Variants in MEGF6 observed in about 807,000 individuals in gnomAD.
MEGF6 encodes the protein multiple epidermal growth factor-like domains protein 6.
A neutral mutation model predicts 207.1 loss-of-function variants in MEGF6; 184 were observed. The ratio of observed to expected loss-of-function variants is 0.89; its 90% CI spans 0.79 to 1.00. MEGF6 has a LOEUF of 1.00. Ranked by LOEUF, MEGF6 falls within the 50% of genes least tolerant of loss-of-function variation. The pLI is 0.00. For missense variants in MEGF6, 2,282 were observed against 2,202.9 expected (o/e 1.04, Z -0.72); for synonymous variants, 1,038 against 910.0 (o/e 1.14, Z -2.53).
At chr1:3,497,825 G>A (rs988872832) in intron 26 of MEGF6, among the ~76,000 whole-genome samples, 1 of 152,186 alleles carries the variant, frequency 6.6e-6, no homozygotes, top group Non-Finnish European at 1.5e-5. Flanking sequence ...CGCCCAAGTT[G>A]TACCCCAAGC....
Position 3,509,885 on chromosome 1 carries a change from G to C in MEGF6, c.1342C>G (p.Arg448Gly), listed in dbSNP as rs763899689. The change falls in exon 11 of 37, where the codon CGT becomes GGT. Residue 448 changes from arginine to glycine, a missense_variant. Arg to Gly is a moderately radical substitution (Grantham distance 125). Transcript: ENST00000356575. ...CEAGYRLHED[R>G]RGCSPLEEPM... ...GGAGACTCACGGCTGCAGCCCCTAC[G>C]GTCCTCGTGCAGCCGGTAGCCGGCC... The C allele has an allele frequency of 6.4e-7, 1 of 1,559,594 alleles. No individual in the cohort carries two copies. Among genetic ancestry groups the C allele is most frequent in the Non-Finnish European group, 8.7e-7 (1 of 1,154,614 alleles).
In MEGF6 at chr1:3,501,828, G is replaced by C. The variant is rs765881091; in HGVS notation, c.2282C>G (p.Pro761Arg). Reference protein sequence around the residue: ...CHGVTGQCRCPPGRTGEDCEA... With the variant: ...CHGVTGQCRCRPGRTGEDCEA... ...ACAGTCTTCCCCAGTCCTCCCCGGCGGACACCGGCACTGCCCCGTGACCCC... is the reference window on the plus strand; with the variant it reads ...ACAGTCTTCCCCAGTCCTCCCCGGCCGACACCGGCACTGCCCCGTGACCCC... The change falls in exon 18 of 37, where the codon CCG (proline) becomes CGG (arginine). Residue 761 changes from proline to arginine, a missense_variant. By Grantham distance (103) the Pro-to-Arg change is moderately radical. Transcript: ENST00000356575. 18 of 1,608,820 alleles carry C rather than the reference G, an allele frequency of 1.1e-5. No homozygotes were observed. The highest frequency in any genetic ancestry group is 1.5e-5 in the Non-Finnish European group (18 of 1,178,550).
At chr1:3,514,428 C>T in intron 7 of MEGF6, 122 bp downstream of exon 7, 1 of 1,303,020 alleles carries the variant, frequency 7.7e-7, no homozygotes, top group Non-Finnish European at 1.0e-6. Flanking sequence ...CCCAAGGGGG[C>T]AAGGCCAAAG....
chr1:3,501,992 G>T, intron 17 of MEGF6, 71 bp from the exon 18 acceptor site: 1 of 1,527,748 alleles, frequency 6.5e-7, no homozygotes, highest in Non-Finnish European at 8.7e-7. Context: ...TTCCCCCAGG[G>T]GCTCCTGGTG....
intron 3 of MEGF6, among the ~76,000 whole-genome samples, chr1:3,585,498 C>T (rs1349497781): frequency 7.1e-6 from 1 of 141,188 alleles, no homozygotes; most frequent in African/African-American, 2.7e-5. Flanking sequence ...GACACTTGTC[C>T]TGTGTGTGGG....
intron 4 of MEGF6, among the ~76,000 whole-genome samples, chr1:3,578,860 G>A (rs1412732200): frequency 1.3e-5 from 2 of 151,684 alleles, no homozygotes; most frequent in Admixed American, 6.6e-5. Flanking sequence ...ACGCTGGGGA[G>A]ACCCAGCACC....
intron 1 of MEGF6, 60 bp from the exon 2 acceptor site, chr1:3,602,660 C>G (rs1223229180): frequency 6.4e-7 from 1 of 1,550,620 alleles, no homozygotes; most frequent in Admixed American, 1.8e-5. Flanking sequence ...ACACCCACCC[C>G]TCCTGCACCC....
At position 3,504,597 on chromosome 1, in the gene MEGF6, T is replaced by G. The variant is rs899481574; in HGVS notation, c.2188+611A>C. Among the ~76,000 whole-genome samples, 92 of 152,142 alleles carry G rather than the reference T, an allele frequency of 6.0e-4. 1 individual carries two copies. The highest frequency in any genetic ancestry group is 2.1e-3 in the African/African-American group (88 of 41,522). On this transcript the variant is annotated intron_variant, in intron 17 of 36. Transcript: ENST00000356575. ...GCTGGGCTGGAATCGCGTCGGGCAG[T>G]TGGTCCCCGGGTCTCCCAGGAATAC...
Position 3,488,515 on chromosome 1 carries a change from T to C in MEGF6, c.*2013A>G, listed in dbSNP as rs906897977. ...GCACCCTCCTGGCTTCTTTCTCTTC[T>C]GGCTGGAGAACGTCTCTAAGAGCAT... On this transcript the variant is annotated 3_prime_UTR_variant, in exon 37 of 37. Coordinates refer to ENST00000356575, the MANE Select transcript of MEGF6 (RefSeq NM_001409.4). Among the ~76,000 whole-genome samples, 22 of 152,268 alleles carry C rather than the reference T, an allele frequency of 1.4e-4. 1 individual carries two copies. The highest frequency in any genetic ancestry group is 2.5e-4 in the Non-Finnish European group (17 of 68,056).
At chr1:3,561,860 C>T (rs983770887) in intron 4 of MEGF6, among the ~76,000 whole-genome samples, 4 of 152,218 alleles carry the variant, frequency 2.6e-5, no homozygotes, top group Non-Finnish European at 4.4e-5. Context: ...GCCTCCAAAA[C>T]GTGGGAGGGG....
chr1:3,520,762 A>G (rs1390109589), intron 5 of MEGF6, among the ~76,000 whole-genome samples: 1 of 152,174 alleles, frequency 6.6e-6, no homozygotes, highest in Non-Finnish European at 1.5e-5. Context: ...TCTGATTTCC[A>G]TAAGATAATC....
At position 3,583,905 on chromosome 1, in the gene MEGF6, C is replaced by CACA. The variant is rs1478809855; in HGVS notation, c.377-3977_377-3976insTGT. On this transcript the variant is annotated intron_variant, in intron 3 of 36. Transcript: ENST00000356575. ...GACAACGCGCAGCCACCAGACAACG[C>CACA]GCAGCCACCAGACAATGCACAGCCA... 2.0e-4 allele frequency among the ~76,000 whole-genome samples: 30 copies of CACA among 152,170 alleles called. 6 individuals are homozygous for CACA. Among genetic ancestry groups the CACA allele is most frequent in the African/African-American group, 6.7e-4 (28 of 41,486 alleles).
At chr1:3,532,297 C>T (rs901535989) in intron 4 of MEGF6, among the ~76,000 whole-genome samples, 8 of 152,348 alleles carry the variant, frequency 5.3e-5, no homozygotes, top group Admixed American at 5.2e-4. Flanking sequence ...CGGCTTGGAT[C>T]AGAGTCCCCA....
chr1:3,546,518 G>A (rs1453416741), intron 4 of MEGF6, among the ~76,000 whole-genome samples: 3 of 152,238 alleles, frequency 2.0e-5, no homozygotes, highest in Non-Finnish European at 2.9e-5. Flanking sequence ...GAAGGAGGGT[G>A]CCAGGGAGGG....
intron 3 of MEGF6, among the ~76,000 whole-genome samples, chr1:3,583,011 G>C (rs76127418): frequency 2.0e-5 from 3 of 152,166 alleles, no homozygotes; most frequent in East Asian, 3.9e-4. Flanking sequence ...TGATGAAGGG[G>C]TGAATGAATG....
At chr1:3,525,148 C>T (rs1641913652) in intron 4 of MEGF6, among the ~76,000 whole-genome samples, 1 of 152,194 alleles carries the variant, frequency 6.6e-6, no homozygotes, top group Non-Finnish European at 1.5e-5. Context: ...CGTGCAAGGA[C>T]CCAGAAGGCC....
At chr1:3,514,743 G>T in intron 6 of MEGF6, 71 bp from the exon 7 acceptor site, 1 of 1,460,478 alleles carries the variant, frequency 6.8e-7, no homozygotes. Flanking sequence ...CTGCCCCCAG[G>T]CTTCTTGTGA....
intron 4 of MEGF6, among the ~76,000 whole-genome samples, chr1:3,568,833 C>A (rs1242743744): frequency 1.3e-5 from 2 of 152,214 alleles, no homozygotes; most frequent in African/African-American, 4.8e-5. Context: ...ACCAGCCAAA[C>A]ACAGCCTGAA....
intron 26 of MEGF6, 128 bp downstream of exon 26, chr1:3,498,243 G>A (rs886598305): frequency 8.3e-6 from 10 of 1,211,422 alleles, no homozygotes; most frequent in African/African-American, 6.1e-5. Flanking sequence ...GGCAGCTCTT[G>A]CATTCACAGG....
Sources: gnomAD v4.1 joint callset for allele counts (sites outside exome capture counted in the v4.1 genomes callset) on GRCh38, gnomAD v4.1.1 for gene constraint, MANE v1.5 for transcripts, NCBI Gene and HGNC (gene_info 2026-07-23, HGNC 2026-07-21) for gene names.